The following ARMC3 variants were observed in gnomAD, a reference collection of about 807,000 sequenced individuals.
The protein encoded by ARMC3 is armadillo repeat-containing protein 3.
In ARMC3, 74 loss-of-function variants were observed where a neutral mutation model predicts 90.3. That is an observed-to-expected ratio of 0.82 (90% CI 0.68 to 0.99). The LOEUF is 0.99. Ranked by LOEUF, ARMC3 falls within the 50% of genes least tolerant of loss-of-function variation. The pLI is 0.00. For synonymous variants in ARMC3, 334 were observed against 361.8 expected (o/e 0.92, Z 0.87); for missense variants, 958 against 1,042.8 (o/e 0.92, Z 1.12).
At chr10:22,937,894 A>T (rs1834173705) in intron 2 of ARMC3, among the ~76,000 whole-genome samples, 1 of 152,212 alleles carries the variant, frequency 6.6e-6, no homozygotes, top group Non-Finnish European at 1.5e-5. Flanking sequence ...AAAGAAATGT[A>T]TTTATTTGCT....
At chr10:22,954,509 GA>G (rs1246053718) in intron 3 of ARMC3, among the ~76,000 whole-genome samples, 127 of 136,118 alleles carry the variant, frequency 9.3e-4, no homozygotes, top group South Asian at 1.2e-3. Flanking sequence ...AAAAAAATTC[GA>G]AAAAAAAAAA....
At chr10:23,026,221 CGAT>C (rs1393261305) in intron 16 of ARMC3, among the ~76,000 whole-genome samples, 1 of 152,066 alleles carries the variant, frequency 6.6e-6, no homozygotes, top group Non-Finnish European at 1.5e-5. Flanking sequence ...TCTCAACTCA[CGAT>C]GATCTAATGC....
chr10:22,932,082 A>T (rs1243880284), intron 2 of ARMC3, 38 bp downstream of exon 2: 2 of 1,535,432 alleles, frequency 1.3e-6, no homozygotes, highest in Admixed American at 4.0e-5. Flanking sequence ...CACTTTAACA[A>T]CCAGTTATAA....
At chr10:22,967,848 C>T (rs942693218) in intron 7 of ARMC3, among the ~76,000 whole-genome samples, 14 of 152,176 alleles carry the variant, frequency 9.2e-5, no homozygotes, top group Non-Finnish European at 1.8e-4. Flanking sequence ...TTAGGTAAAA[C>T]CGCAGTTTTC....
chr10:23,002,534 GTTTCA>G (rs1285174516), intron 12 of ARMC3, among the ~76,000 whole-genome samples: 7 of 150,976 alleles, frequency 4.6e-5, no homozygotes, highest in African/African-American at 1.7e-4. Flanking sequence ...AGGGTTTTAA[GTTTCA>G]TTTCTTTTCT....
intron 2 of ARMC3, among the ~76,000 whole-genome samples, chr10:22,942,796 T>C (rs995595725): frequency 6.6e-6 from 1 of 152,230 alleles, no homozygotes; most frequent in African/African-American, 2.4e-5. Context: ...ATATTCATTG[T>C]GACCTATGAT....
rs1415246681 is a variant in ARMC3, at chr10:22,959,099, G to C, written c.322G>C (p.Asp108His). 1 of 1,613,004 alleles carries C rather than the reference G, an allele frequency of 6.2e-7. No individual in the cohort carries two copies. The highest frequency in any genetic ancestry group is 8.5e-7 in the Non-Finnish European group (1 of 1,179,008). The change falls in exon 5 of 19, where the codon GAT (aspartate) becomes CAT (histidine). Residue 108 changes from aspartate to histidine, a missense_variant. Asp to His is a moderately conservative substitution (Grantham distance 81, BLOSUM62 -1). Transcript: ENST00000298032. ...TGTTAAAAAATTGTTAAGGGAGTTAGATGTCATGAATTCTGTCATTGCCCA... is the reference window on the plus strand; with the variant it reads ...TGTTAAAAAATTGTTAAGGGAGTTACATGTCATGAATTCTGTCATTGCCCA... ...NDVKKLLREL[D>H]VMNSVIAQLA... is the part of the protein sequence containing the mutation.
In ARMC3 at chr10:23,038,455, T is replaced by C. The variant is rs1197381004; in HGVS notation, c.*976T>C. ...TTGATTTTAGAAATTAAAGCTAAGA[T>C]TATTTTGTATTAATTTGTAATTTCA... On this transcript the variant is annotated 3_prime_UTR_variant, in exon 19 of 19. Transcript: ENST00000298032. 2 of 152,222 alleles carry C rather than the reference T, an allele frequency of 1.3e-5. No homozygotes were observed. The highest frequency in any genetic ancestry group is 2.9e-5 in the Non-Finnish European group (2 of 68,032). 9.4% of individuals were successfully genotyped at this position (152,222 alleles called of 1,614,324 possible). A position where few individuals can be genotyped will look rare whatever the true frequency, so the allele number is the denominator to read the frequency against.
rs140885621 is a variant in ARMC3 at position 22,934,712 on chromosome 10, T to G, written c.48+2668T>G. 3.7e-3 allele frequency among the ~76,000 whole-genome samples: 570 copies of G among 152,316 alleles called. 6 individuals carry two copies. Among genetic ancestry groups the G allele is most frequent in the Non-Finnish European group, 4.2e-3 (283 of 68,030 alleles). ...ACAGTGAGGATGTGATACTGCTTAA[T>G]TCATAGGAATACCCACTCACATCAG... On this transcript the variant is annotated intron_variant, in intron 2 of 18. Coordinates refer to ENST00000298032, the MANE Select transcript of ARMC3 (RefSeq NM_173081.5).
At chr10:22,937,908 C>G (rs774474454) in intron 2 of ARMC3, among the ~76,000 whole-genome samples, 9 of 152,110 alleles carry the variant, frequency 5.9e-5, no homozygotes, top group Non-Finnish European at 1.0e-4. Context: ...ATTTGCTGGA[C>G]AAATATAGAG....
intron 10 of ARMC3, among the ~76,000 whole-genome samples, chr10:22,986,562 AC>A (rs368339187): frequency 6.9e-6 from 1 of 144,480 alleles, no homozygotes. Context: ...AAAAAAAAAA[AC>A]AAAAAAAAAA....
intron 16 of ARMC3, among the ~76,000 whole-genome samples, chr10:23,026,797 A>T (rs1461891517): frequency 6.6e-6 from 1 of 152,196 alleles, no homozygotes; most frequent in Non-Finnish European, 1.5e-5. Flanking sequence ...CTACTAGCAC[A>T]GTTAAGATAA....
At chr10:22,954,005 T>G (rs1229649684) in intron 3 of ARMC3, among the ~76,000 whole-genome samples, 2 of 152,206 alleles carry the variant, frequency 1.3e-5, no homozygotes, top group Non-Finnish European at 2.9e-5. Context: ...GGTTCCAGTT[T>G]CTCTCTACAC....
In ARMC3 at chr10:22,962,020, G is replaced by C; in HGVS notation, c.674G>C (p.Arg225Pro). ...GTTATTGCAAATGATAAGGAGTCTCGAACAATGCTAAGAGACAATCAAGGA... is the reference window on the plus strand; with the variant it reads ...GTTATTGCAAATGATAAGGAGTCTCCAACAATGCTAAGAGACAATCAAGGA... ...LGVIANDKESRTMLRDNQGLD... is the reference protein window; with the variant it reads ...LGVIANDKESPTMLRDNQGLD... Residue 225 changes from arginine (R) to proline (P), a missense_variant, in exon 7 of 19, where the codon CGA (arginine) becomes CCA (proline). Physicochemically the swap from Arg to Pro is moderately radical, Grantham distance 103. Transcript: ENST00000298032. 6.2e-7 allele frequency: 1 copy of C among 1,610,636 alleles called. No homozygotes were observed. Among genetic ancestry groups the C allele is most frequent in the South Asian group, 1.1e-5 (1 of 90,434 alleles).
At chr10:22,995,862 C>A (rs1836923881) in intron 10 of ARMC3, among the ~76,000 whole-genome samples, 1 of 152,130 alleles carries the variant, frequency 6.6e-6, no homozygotes, top group Non-Finnish European at 1.5e-5. Flanking sequence ...TTATTGTTTG[C>A]ATTTACTTAA....
intron 2 of ARMC3, among the ~76,000 whole-genome samples, chr10:22,933,715 C>G (rs1017759813): frequency 6.6e-6 from 1 of 152,076 alleles, no homozygotes; most frequent in African/African-American, 2.4e-5. Flanking sequence ...GAAACCCCGT[C>G]TCTACTAAAA....
chr10:22,950,226 T>A (rs748332784), intron 3 of ARMC3, among the ~76,000 whole-genome samples: 44 of 152,184 alleles, frequency 2.9e-4, no homozygotes, highest in Admixed American at 6.5e-4. Flanking sequence ...AATGGCAACA[T>A]ATATGTTTTG....
chr10:23,001,998 G>C lies in ARMC3; in HGVS notation c.1505G>C (p.Trp502Ser). 6.2e-7 allele frequency: 1 copy of C among 1,613,920 alleles called. No homozygotes were observed. ...KNDEVRKHAS[W>S]AVMVCAGDEL... The stretch of plus-strand genomic sequence containing the variant: ...GATGAAGTGAGGAAGCACGCCAGTT[G>C]GGCAGTGATGGTCTGTGCTGGTGAC... The change falls in exon 12 of 19, where the codon TGG becomes TCG. Residue 502 changes from tryptophan to serine, a missense_variant. Coordinates refer to ENST00000298032, the MANE Select transcript of ARMC3 (RefSeq NM_173081.5).
intron 11 of ARMC3, among the ~76,000 whole-genome samples, chr10:23,000,009 A>G (rs1257784693): frequency 6.6e-6 from 1 of 152,146 alleles, no homozygotes; most frequent in Non-Finnish European, 1.5e-5. Flanking sequence ...TGGAATATGC[A>G]GGAGACCCTT....
Sources: allele counts gnomAD v4.1 joint callset (sites outside exome capture counted in the v4.1 genomes callset), GRCh38; gene constraint gnomAD v4.1.1; transcripts MANE v1.5; gene names NCBI Gene and HGNC (gene_info 2026-07-23, HGNC 2026-07-21).